Variants in RAD51C observed in about 807,000 individuals in gnomAD.
RAD51C encodes the protein RAD51 paralog C, also known as DNA repair protein RAD51 homolog 3.
In RAD51C, 42 loss-of-function variants were observed where a neutral mutation model predicts 45.0. That is an observed-to-expected ratio of 0.93 (90% CI 0.73 to 1.21). The LOEUF (loss-of-function observed/expected upper bound fraction) is 1.21. RAD51C is among the 50% of genes most tolerant of loss of function. The probability of loss-of-function intolerance (pLI) is 0.00; values close to 1 mark genes in which losing one functional copy is unlikely to be tolerated. For missense variants in RAD51C, 474 were observed against 452.2 expected, an observed-to-expected ratio of 1.05 and a Z score of -0.44; for synonymous variants, 172 against 159.8, an observed-to-expected ratio of 1.08 and a Z score of -0.58.
At chr17:58,699,535 C>T (rs545712227) in intron 3 of RAD51C, among the ~76,000 whole-genome samples, 7 of 152,078 alleles carry the variant, frequency 4.6e-5, no homozygotes, top group African/African-American at 1.2e-4. Context: ...GCAGAATATG[C>T]CACCCTGAAA....
chr17:58,720,081 T>C (rs2048863113), intron 5 of RAD51C, among the ~76,000 whole-genome samples: 1 of 150,752 alleles, frequency 6.6e-6, no homozygotes, highest in Non-Finnish European at 1.5e-5. Flanking sequence ...TTTGTATTAC[T>C]TAAATGGCTG....
At chr17:58,720,999 G>C (rs2048900578) in intron 6 of RAD51C, among the ~76,000 whole-genome samples, 187 bp downstream of exon 6, 1 of 152,092 alleles carries the variant, frequency 6.6e-6, no homozygotes, top group African/African-American at 2.4e-5. Flanking sequence ...AACATTTATT[G>C]AGTGGCCAGA....
intron 5 of RAD51C, 61 bp from the exon 6 acceptor site, chr17:58,720,685 C>G (rs2143928879): frequency 7.7e-7 from 1 of 1,300,070 alleles, no homozygotes. Context: ...CTTGGCCAGA[C>G]TGGTCTACTT....
intron 3 of RAD51C, among the ~76,000 whole-genome samples, chr17:58,698,604 T>A (rs1308574894): frequency 6.6e-6 from 1 of 151,196 alleles, no homozygotes; most frequent in South Asian, 2.1e-4. Context: ...GCTGGGATTA[T>A]AGGCGTGAGC....
At chr17:58,714,634 A>G (rs1025837903) in intron 5 of RAD51C, among the ~76,000 whole-genome samples, 1 of 151,410 alleles carries the variant, frequency 6.6e-6, no homozygotes. Flanking sequence ...AATTTTTTAT[A>G]TTTTTAGTAG....
At chr17:58,730,196 G>A (rs1217473218) in intron 7 of RAD51C, among the ~76,000 whole-genome samples, 5 of 122,132 alleles carry the variant, frequency 4.1e-5, no homozygotes. Context: ...ATGGAGTCTC[G>A]CCCTGTCGCC....
In RAD51C at chr17:58,699,395, A is replaced by T. The variant is rs1383810530; in HGVS notation, c.571+2536A>T. ...AAGTTTTAAAAAAAATGCTTTTCAT[A>T]AGATTTCCTTTAAATGAGTATATTT... On this transcript the variant is annotated intron_variant, in intron 3 of 8. Transcript: ENST00000337432. Among the ~76,000 whole-genome samples the T allele has an allele frequency of 2.0e-5, 3 of 151,638 alleles. No homozygotes were observed. The East Asian group carries it at 5.8e-4, about 29-fold the overall frequency.
chr17:58,710,098 G>T, intron 5 of RAD51C, 108 bp downstream of exon 5: 1 of 1,266,116 alleles, frequency 7.9e-7, no homozygotes. Context: ...ATATAGACAT[G>T]CAGTTTTGAG....
chr17:58,731,115 TCTTC>T (rs1257544258), intron 7 of RAD51C, among the ~76,000 whole-genome samples: 1 of 152,252 alleles, frequency 6.6e-6, no homozygotes, highest in Non-Finnish European at 1.5e-5. Flanking sequence ...GTCAGAATTT[TCTTC>T]CTTAAGTCTG....
intron 5 of RAD51C, among the ~76,000 whole-genome samples, chr17:58,717,858 G>A (rs2048792742): frequency 6.6e-6 from 1 of 152,230 alleles, no homozygotes; most frequent in South Asian, 2.1e-4. Context: ...AGGGGAGCTA[G>A]AAGAAAATCA....
chr17:58,697,087 G>A (rs1039043997), intron 3 of RAD51C, among the ~76,000 whole-genome samples: 1 of 151,886 alleles, frequency 6.6e-6, no homozygotes, highest in Non-Finnish European at 1.5e-5. Flanking sequence ...TAGGAGCTTT[G>A]GGACAAAACC....
At chr17:58,720,680 C>G (rs772020733) in intron 5 of RAD51C, 66 bp from the exon 6 acceptor site, 3 of 1,243,498 alleles carry the variant, frequency 2.4e-6, no homozygotes, top group Non-Finnish European at 3.5e-6. Context: ...ACAATCTTGG[C>G]CAGACTGGTC....
intron 4 of RAD51C, among the ~76,000 whole-genome samples, chr17:58,708,398 ATTC>A (rs1382582614): frequency 2.6e-5 from 4 of 152,088 alleles, no homozygotes; most frequent in Non-Finnish European, 4.4e-5. Context: ...TATTTACTAT[ATTC>A]TTCTCTCTTA....
At chr17:58,723,933 G>A (rs959142592) in intron 6 of RAD51C, 107 bp from the exon 7 acceptor site, 31 of 1,035,072 alleles carry the variant, frequency 3.0e-5, no homozygotes, top group East Asian at 1.8e-4. Flanking sequence ...GTATACTTTC[G>A]TTATGTTAAA....
At position 58,721,405 on chromosome 17, in the gene RAD51C, G is replaced by A. The variant is rs1365514647; in HGVS notation, c.904+593G>A. Reference sequence around the variant, plus strand: ...TACAAATCACACTACAGTGAATATCGTGGTTTTGTTAGAATGTAGTGCTTC... The same window carrying A: ...TACAAATCACACTACAGTGAATATCATGGTTTTGTTAGAATGTAGTGCTTC... On this transcript the variant is annotated intron_variant, in intron 6 of 8. Coordinates refer to ENST00000337432, the MANE Select transcript of RAD51C (RefSeq NM_058216.3). 3.3e-5 allele frequency among the ~76,000 whole-genome samples: 5 copies of A among 152,270 alleles called. No homozygotes were observed. In the East Asian group the frequency reaches 5.8e-4, roughly 18 times the overall value.
Position 58,710,089 on chromosome 17 carries a change from T to C in RAD51C, c.837+99T>C, listed in dbSNP as rs1475039501. 4.4e-6 allele frequency: 6 copies of C among 1,352,072 alleles called. No individual in the cohort carries two copies. The East Asian group carries it at 1.2e-4, about 26-fold the overall frequency. 83.8% of individuals were successfully genotyped at this position (1,352,072 alleles called of 1,614,324 possible). A position where few individuals can be genotyped will look rare whatever the true frequency, so the allele number is the denominator to read the frequency against. The stretch of plus-strand genomic sequence containing the variant: ...AAAATAGCGTTTGCCTGACAAATAA[T>C]ATAGACATGCAGTTTTGAGTAAAGT... On this transcript the variant is annotated intron_variant, in intron 5 of 8. Transcript: ENST00000337432.
intron 3 of RAD51C, among the ~76,000 whole-genome samples, chr17:58,702,778 C>A (rs556099247): frequency 6.6e-6 from 1 of 151,982 alleles, no homozygotes; most frequent in East Asian, 1.9e-4. Context: ...CAGGAGGATC[C>A]CTTGAGCCTA....
intron 4 of RAD51C, among the ~76,000 whole-genome samples, chr17:58,703,735 G>C (rs955121835): frequency 6.6e-6 from 1 of 151,816 alleles, no homozygotes; most frequent in Non-Finnish European, 1.5e-5. Flanking sequence ...ATGGTGGGAG[G>C]ATCATTTGAG....
At chr17:58,695,883 A>G (rs1283548645) in intron 2 of RAD51C, among the ~76,000 whole-genome samples, 1 of 151,504 alleles carries the variant, frequency 6.6e-6, no homozygotes, top group Non-Finnish European at 1.5e-5. Context: ...CCTAGTCAAC[A>G]TGGCGAAACC....
Sources: allele counts gnomAD v4.1 joint callset (sites outside exome capture counted in the v4.1 genomes callset), GRCh38; gene constraint gnomAD v4.1.1; transcripts MANE v1.5; gene names NCBI Gene and HGNC (gene_info 2026-07-23, HGNC 2026-07-21).